CDH13: variants seen among roughly 807,000 people sequenced by gnomAD.
CDH13 encodes the protein cadherin-13.
In CDH13, 24 loss-of-function variants were observed where a neutral mutation model predicts 63.8. That is an observed-to-expected ratio of 0.38 (90% confidence interval 0.27 to 0.53). The LOEUF is 0.53. CDH13 is among the 20% of genes least tolerant of loss of function. CDH13 has a pLI of 0.85. For missense variants in CDH13, 1,049 were observed against 903.1 expected, an observed-to-expected ratio of 1.16 and a Z score of -2.07; for synonymous variants, 503 against 355.3, an observed-to-expected ratio of 1.42 and a Z score of -4.67.
intron 2 of CDH13, among the ~76,000 whole-genome samples, chr16:83,000,887 G>T (rs1281509832): frequency 2.6e-5 from 4 of 152,140 alleles, no homozygotes; most frequent in African/African-American, 9.7e-5. Flanking sequence ...CCATTTATCT[G>T]TTAAGGACAG....
intron 1 of CDH13, among the ~76,000 whole-genome samples, chr16:82,648,863 G>A (rs993890501): frequency 1.3e-5 from 2 of 152,188 alleles, no homozygotes; most frequent in African/African-American, 4.8e-5. Context: ...ATTAATCTGG[G>A]GGCAGTGTGG....
chr16:83,564,002 A>G (rs1213974711), intron 7 of CDH13, among the ~76,000 whole-genome samples: 1 of 152,190 alleles, frequency 6.6e-6, no homozygotes, highest in Non-Finnish European at 1.5e-5. Flanking sequence ...CTTAACCATT[A>G]GTTTCTTCAT....
At chr16:83,662,034 G>T (rs1316518512) in intron 8 of CDH13, among the ~76,000 whole-genome samples, 1 of 152,112 alleles carries the variant, frequency 6.6e-6, no homozygotes, top group Non-Finnish European at 1.5e-5. Flanking sequence ...ACCCTGGGTG[G>T]GTGGGTCACA....
Position 83,770,273 on chromosome 16 carries a change from C to T in CDH13, c.1682-9695C>T, listed in dbSNP as rs558695913. Among the ~76,000 whole-genome samples the T allele has an allele frequency of 7.2e-5, 11 of 152,320 alleles. No homozygotes were observed. In the South Asian group the frequency reaches 1.9e-3, roughly 26 times the overall value. ...TTCTACCAGTGTTTAGTACCAACCACAAGCACCAAAATACTCAAACTTCGA... is the reference window on the plus strand; with the variant it reads ...TTCTACCAGTGTTTAGTACCAACCATAAGCACCAAAATACTCAAACTTCGA... On this transcript the variant is annotated intron_variant, in intron 11 of 13. Coordinates refer to ENST00000567109, the MANE Select transcript of CDH13 (RefSeq NM_001257.5).
intron 4 of CDH13, chr16:83,181,002 T>G (rs1319649140): frequency 6.6e-7 from 1 of 1,525,828 alleles, no homozygotes; most frequent in Non-Finnish European, 8.8e-7. Flanking sequence ...AAGGAATAAA[T>G]CACAAACATT....
chr16:83,243,475 C>T (rs1259401561), intron 5 of CDH13, among the ~76,000 whole-genome samples: 1 of 152,162 alleles, frequency 6.6e-6, no homozygotes, highest in African/African-American at 2.4e-5. Flanking sequence ...TTACCTCTCT[C>T]ACCTGGTCTC....
intron 10 of CDH13, among the ~76,000 whole-genome samples, chr16:83,697,716 C>T (rs910859224): frequency 2.6e-5 from 4 of 152,164 alleles, no homozygotes; most frequent in African/African-American, 4.8e-5. Flanking sequence ...GGTGCAATCT[C>T]GGCTCACTTC....
intron 10 of CDH13, among the ~76,000 whole-genome samples, chr16:83,707,649 C>T (rs572528197): frequency 6.6e-6 from 1 of 151,958 alleles, no homozygotes; most frequent in Non-Finnish European, 1.5e-5. Flanking sequence ...CAGAGATCAG[C>T]TCTTAGATTC....
At chr16:83,050,778 G>C (rs1366390757) in intron 3 of CDH13, among the ~76,000 whole-genome samples, 1 of 152,074 alleles carries the variant, frequency 6.6e-6, no homozygotes. Context: ...TTAACTGTGT[G>C]AGTCTGAACA....
intron 4 of CDH13, among the ~76,000 whole-genome samples, chr16:83,158,908 T>A (rs563807327): frequency 6.6e-6 from 1 of 152,230 alleles, no homozygotes; most frequent in Non-Finnish European, 1.5e-5. Flanking sequence ...TTCTTTACTT[T>A]ACTCACTTCC....
At chr16:83,334,863 T>C (rs2090559976) in intron 5 of CDH13, among the ~76,000 whole-genome samples, 1 of 152,200 alleles carries the variant, frequency 6.6e-6, no homozygotes, top group Admixed American at 6.5e-5. Flanking sequence ...CACATCGTGA[T>C]GATCTAATTG....
At chr16:83,785,018 A>G (rs981451388) in intron 13 of CDH13, among the ~76,000 whole-genome samples, 3 of 152,234 alleles carry the variant, frequency 2.0e-5, no homozygotes, top group Non-Finnish European at 4.4e-5. Context: ...TGTAAAGCAG[A>G]GACAATTTCA....
intron 8 of CDH13, among the ~76,000 whole-genome samples, chr16:83,651,560 A>G (rs1027242157): frequency 7.2e-6 from 1 of 139,478 alleles, no homozygotes; most frequent in Admixed American, 7.1e-5. Flanking sequence ...AACATGAATC[A>G]CTTTCCTCAT....
intron 3 of CDH13, among the ~76,000 whole-genome samples, chr16:83,084,528 C>G (rs915247913): frequency 4.6e-5 from 7 of 152,182 alleles, no homozygotes; most frequent in African/African-American, 1.7e-4. Context: ...TACTTATTTT[C>G]TCAATCATGG....
chr16:83,443,282 A>G (rs1482314651), intron 6 of CDH13, among the ~76,000 whole-genome samples: 1 of 152,110 alleles, frequency 6.6e-6, no homozygotes, highest in African/African-American at 2.4e-5. Context: ...CGCCTCTGAG[A>G]AAGAGGCTGG....
At chr16:83,538,223 T>C (rs1265477814) in intron 7 of CDH13, among the ~76,000 whole-genome samples, 3 of 152,214 alleles carry the variant, frequency 2.0e-5, no homozygotes, top group Admixed American at 1.3e-4. Context: ...CTGCCTCTTG[T>C]TGCTTGGATT....
chr16:83,165,672 A>G (rs906976384), intron 4 of CDH13, among the ~76,000 whole-genome samples: 3 of 152,108 alleles, frequency 2.0e-5, no homozygotes, highest in African/African-American at 7.2e-5. Context: ...ACAGTGACAT[A>G]TGTGTAAGTT....
In CDH13 at chr16:82,868,119, G is replaced by C. The variant is rs527847302; in HGVS notation, c.157+9646G>C. ...TCCCCTGAACTGCAGTCTGGACAGA[G>C]CTGGACAAGGTTGGGGTTTCAAGTA... On this transcript the variant is annotated intron_variant, in intron 2 of 13. Coordinates refer to ENST00000567109, the MANE Select transcript of CDH13 (RefSeq NM_001257.5). Among the ~76,000 whole-genome samples, 3 of 152,336 alleles carry C rather than the reference G, an allele frequency of 2.0e-5. No individual in the cohort carries two copies. The East Asian group carries it at 5.8e-4, about 29-fold the overall frequency.
chr16:83,533,921 C>T (rs1044182137), intron 7 of CDH13, among the ~76,000 whole-genome samples: 11 of 152,048 alleles, frequency 7.2e-5, no homozygotes, highest in Non-Finnish European at 1.3e-4. Context: ...GTGCCTGGCA[C>T]GTTAATCTAT....
Sources: gnomAD v4.1 joint callset for allele counts (sites outside exome capture counted in the v4.1 genomes callset) on GRCh38, gnomAD v4.1.1 for gene constraint, MANE v1.5 for transcripts, NCBI Gene and HGNC (gene_info 2026-07-23, HGNC 2026-07-21) for gene names.